Variants in RANBP17 observed in about 807,000 individuals in gnomAD.
RANBP17 encodes RAN binding protein 17.
A neutral mutation model predicts 141.2 loss-of-function variants in RANBP17; 158 were observed. The observed-to-expected ratio is 1.12, with a 90% CI of 0.98 to 1.28. The LOEUF is 1.28. Ranked by LOEUF, RANBP17 falls within the 50% of genes most tolerant of loss-of-function variation. RANBP17 has a pLI of 0.00. For missense variants in RANBP17, 1,438 were observed against 1,290.7 expected (o/e 1.11, Z -1.75); for synonymous variants, 430 against 450.0 (o/e 0.96, Z 0.56).
chr5:171,001,833 G>A (rs896849540), intron 14 of RANBP17, among the ~76,000 whole-genome samples: 39 of 152,196 alleles, frequency 2.6e-4, no homozygotes, highest in East Asian at 1.2e-3. Context: ...GAGGAATTAC[G>A]TCTGACAAAA....
chr5:171,061,609 G>A (rs929425659), intron 14 of RANBP17, among the ~76,000 whole-genome samples: 2 of 152,080 alleles, frequency 1.3e-5, no homozygotes, highest in Non-Finnish European at 2.9e-5. Flanking sequence ...GAATAGGTGT[G>A]GTGTGGTGCT....
intron 24 of RANBP17, chr5:171,251,920 C>T (rs1765594391): frequency 6.3e-7 from 1 of 1,585,664 alleles, no homozygotes. Context: ...AGTGAATGAG[C>T]ACTATTTTGG....
intron 14 of RANBP17, among the ~76,000 whole-genome samples, chr5:171,096,403 T>A (rs1484629584): frequency 6.6e-6 from 1 of 152,114 alleles, no homozygotes; most frequent in African/African-American, 2.4e-5. Context: ...TTGAATTGAA[T>A]ATGTTATTGG....
At chr5:171,248,472 A>C (rs1581114982) in intron 24 of RANBP17, among the ~76,000 whole-genome samples, 1 of 152,322 alleles carries the variant, frequency 6.6e-6, no homozygotes, top group South Asian at 2.1e-4. Context: ...AGAGGGGCTC[A>C]GTATTGCAGA....
chr5:171,069,512 G>T (rs368723462), intron 14 of RANBP17, among the ~76,000 whole-genome samples: 33 of 152,268 alleles, frequency 2.2e-4, no homozygotes, highest in African/African-American at 7.7e-4. Flanking sequence ...CCCTGCCATT[G>T]TTGTGTCATC....
chr5:171,230,923 G>A (rs1174612265), intron 22 of RANBP17, among the ~76,000 whole-genome samples: 1 of 151,670 alleles, frequency 6.6e-6, no homozygotes, highest in Non-Finnish European at 1.5e-5. Flanking sequence ...AACAGAATTA[G>A]GCTTTTTTTG....
intron 14 of RANBP17, among the ~76,000 whole-genome samples, chr5:170,999,886 A>G (rs914270142): frequency 2.6e-5 from 4 of 152,132 alleles, no homozygotes; most frequent in African/African-American, 9.7e-5. Flanking sequence ...CACTATACCC[A>G]TTAAACAATA....
chr5:171,231,132 G>T (rs558651533), intron 22 of RANBP17, among the ~76,000 whole-genome samples: 1 of 135,952 alleles, frequency 7.4e-6, no homozygotes, highest in Admixed American at 8.1e-5. Flanking sequence ...ATTTTAAGTC[G>T]AGATAGGGCC....
At chr5:171,078,793 A>C (rs1302879700) in intron 14 of RANBP17, among the ~76,000 whole-genome samples, 2 of 152,256 alleles carry the variant, frequency 1.3e-5, no homozygotes, top group South Asian at 2.1e-4. Flanking sequence ...ATTAATTTTC[A>C]AAAGATTATT....
rs533445983 is a variant in RANBP17 at position 171,062,289 on chromosome 5, G to A, written c.1710+93912G>A. On this transcript the variant is annotated intron_variant, in intron 14 of 27. Transcript: ENST00000523189. ...TTACAATTTGGCATAATTTTGCGGC[G>A]GCTGGTACCGGTTGTTCCTTTCCAT... is the stretch of plus-strand genomic sequence containing the variant. 4.0e-3 allele frequency among the ~76,000 whole-genome samples: 609 copies of A among 152,266 alleles called. 7 individuals carry two copies. Among genetic ancestry groups the A allele is most frequent in the African/African-American group, 0.014 (581 of 41,540 alleles).
chr5:170,919,651 T>C (rs1266989302), intron 11 of RANBP17, 38 bp downstream of exon 11: 2 of 1,467,030 alleles, frequency 1.4e-6, no homozygotes, highest in Non-Finnish European at 9.2e-7. Flanking sequence ...TATTTCCTTT[T>C]GACACTTGGA....
chr5:171,207,724 A>G (rs931944786), intron 20 of RANBP17: 3 of 152,196 alleles, frequency 2.0e-5, no homozygotes, highest in Non-Finnish European at 4.4e-5. Flanking sequence ...GGCTTTTCAT[A>G]ATTGTATTGA....
intron 14 of RANBP17, among the ~76,000 whole-genome samples, chr5:170,985,123 A>G (rs1045527661): frequency 7.9e-5 from 12 of 151,746 alleles, no homozygotes; most frequent in Non-Finnish European, 1.6e-4. Context: ...AAACACATAC[A>G]TACACAAACA....
intron 13 of RANBP17, among the ~76,000 whole-genome samples, chr5:170,962,290 C>G (rs989790330): frequency 3.7e-4 from 57 of 152,236 alleles, no homozygotes; most frequent in Non-Finnish European, 1.9e-4. Context: ...CATTCCTACT[C>G]TCTTGCTGGT....
chr5:171,253,383 A>G (rs1043333830), intron 24 of RANBP17, among the ~76,000 whole-genome samples: 11 of 152,218 alleles, frequency 7.2e-5, no homozygotes, highest in African/African-American at 2.7e-4. Context: ...AACACACTGC[A>G]TAAATTTGCC....
At chr5:170,957,108 C>CACACACACAT (rs1554141645) in intron 13 of RANBP17, among the ~76,000 whole-genome samples, 3 of 144,486 alleles carry the variant, frequency 2.1e-5, no homozygotes, top group Non-Finnish European at 3.0e-5. Context: ...CACACACACA[C>CACACACACAT]GCGCACACTG....
At chr5:171,247,531 A>T (rs1765280504) in intron 24 of RANBP17, among the ~76,000 whole-genome samples, 1 of 152,252 alleles carries the variant, frequency 6.6e-6, no homozygotes, top group Non-Finnish European at 1.5e-5. Context: ...TCAGTGATAG[A>T]GTGATGACTT....
intron 1 of RANBP17, among the ~76,000 whole-genome samples, chr5:170,862,876 C>T (rs1766934009): frequency 6.6e-6 from 1 of 152,106 alleles, no homozygotes; most frequent in South Asian, 2.1e-4. Context: ...AATTACAGTA[C>T]AAGTGAAAAA....
At chr5:171,276,692 A>C (rs1471366403) in intron 25 of RANBP17, among the ~76,000 whole-genome samples, 1 of 152,186 alleles carries the variant, frequency 6.6e-6, no homozygotes, top group East Asian at 1.9e-4. Context: ...AACAACAGCC[A>C]TACCTTTTTG....
Sources: gnomAD v4.1 joint callset for allele counts (sites outside exome capture counted in the v4.1 genomes callset) on GRCh38, gnomAD v4.1.1 for gene constraint, MANE v1.5 for transcripts, NCBI Gene and HGNC (gene_info 2026-07-23, HGNC 2026-07-21) for gene names.